Variants in THOP1 observed in about 807,000 individuals in gnomAD.
The protein encoded by THOP1 is thimet oligopeptidase.
In THOP1, 49 loss-of-function variants were observed where a neutral mutation model predicts 71.8. The observed-to-expected ratio is 0.68, with a 90% CI of 0.54 to 0.87. THOP1 has a LOEUF of 0.87. Ranked by LOEUF, THOP1 falls within the 40% of genes least tolerant of loss-of-function variation. The pLI is 0.00. For missense variants in THOP1, 843 were observed against 975.6 expected (o/e 0.86, Z 1.81); for synonymous variants, 426 against 421.5 (o/e 1.01, Z -0.13).
intron 5 of THOP1, among the ~76,000 whole-genome samples, chr19:2,802,926 C>T (rs1234630039): frequency 5.9e-5 from 9 of 152,252 alleles, no homozygotes; most frequent in East Asian, 1.9e-4. Flanking sequence ...GGAGTCCCTC[C>T]GAACAATCCC....
chr19:2,794,675 G>C, intron 2 of THOP1, 89 bp from the exon 3 acceptor site: 1 of 1,489,074 alleles, frequency 6.7e-7, no homozygotes. Flanking sequence ...GGATTCAGCA[G>C]ACAGGCCTGG....
At chr19:2,812,791 C>T (rs1459715724) in intron 12 of THOP1, among the ~76,000 whole-genome samples, 1 of 152,238 alleles carries the variant, frequency 6.6e-6, no homozygotes. Flanking sequence ...CGAGCGGCTT[C>T]CACATTGTCC....
At position 2,801,688 on chromosome 19, in the gene THOP1, C is replaced by A. The variant is rs1455249227; in HGVS notation, c.589+1897C>A. On this transcript the variant is annotated intron_variant, in intron 5 of 12. Coordinates refer to ENST00000307741, the MANE Select transcript of THOP1 (RefSeq NM_003249.5). This position sits in a 1 kb window ranked among gnomAD's most constrained non-coding sequence, Gnocchi z 5.1. The stretch of plus-strand genomic sequence containing the variant: ...TCACAGCTCTGGAGGCTGAGAAGTC[C>A]CAGGTCGAGGGGCCATATCTGGCCA... Among the ~76,000 whole-genome samples, 2 of 152,138 alleles carry A rather than the reference C, an allele frequency of 1.3e-5. No homozygotes were observed. The highest frequency in any genetic ancestry group is 4.8e-5 in the African/African-American group (2 of 41,414).
intron 2 of THOP1, among the ~76,000 whole-genome samples, chr19:2,794,502 G>A (rs1015049270): frequency 3.9e-5 from 6 of 152,204 alleles, no homozygotes; most frequent in African/African-American, 1.2e-4. Context: ...TGGCTTGGAG[G>A]GCTTTGAGTT....
rs764580714 is a variant in THOP1, at chr19:2,796,099, T to C, written c.397T>C (p.Ser133Pro). ...VWLQEKVQKD[S>P]LRPEAARYLE... ...ATTCCAGGAGAAAGTTCAGAAGGAC[T>C]CACTGAGGCCCGAGGCTGCGCGGTA... Residue 133 changes from serine to proline, a missense_variant, in exon 4 of 13, where the codon TCA becomes CCA. Ser to Pro is a moderately conservative substitution (Grantham distance 74). Coordinates refer to ENST00000307741, the MANE Select transcript of THOP1 (RefSeq NM_003249.5). 17 of 1,613,834 alleles carry C rather than the reference T, an allele frequency of 1.1e-5. No homozygotes were observed. In the South Asian group the frequency reaches 1.6e-4, roughly 16 times the overall value.
chr19:2,794,705 C>A, intron 2 of THOP1, 59 bp from the exon 3 acceptor site: 1 of 1,567,488 alleles, frequency 6.4e-7, no homozygotes, highest in South Asian at 1.1e-5. Context: ...CCGGGCAACA[C>A]CTGCCAGTTG....
intron 10 of THOP1, 64 bp downstream of exon 10, chr19:2,810,554 C>A: frequency 6.6e-7 from 1 of 1,525,216 alleles, no homozygotes; most frequent in Non-Finnish European, 8.8e-7. Context: ...TGGGGCCTGG[C>A]ATGTGCCCCG....
intron 5 of THOP1, among the ~76,000 whole-genome samples, chr19:2,802,835 G>A (rs984624662): frequency 6.6e-6 from 1 of 152,216 alleles, no homozygotes; most frequent in African/African-American, 2.4e-5. Context: ...CTGTCCGTGT[G>A]CATGAGGCTT....
chr19:2,793,134 C>A (rs1465477535), intron 2 of THOP1, among the ~76,000 whole-genome samples: 1 of 152,000 alleles, frequency 6.6e-6, no homozygotes, highest in Non-Finnish European at 1.5e-5. Flanking sequence ...GAGATCACAC[C>A]ATTGCACTCC....
Position 2,811,614 on chromosome 19 carries a change from A to C in THOP1, c.1788A>C (p.Ala596=), listed in dbSNP as rs773657003. 1 of 1,613,106 alleles carries C rather than the reference A, an allele frequency of 6.2e-7. No homozygotes were observed. The highest frequency in any genetic ancestry group is 8.5e-7 in the Non-Finnish European group (1 of 1,179,822). ...CCGCCCCAGGAACCAACATGCCTGC[A>C]ACCTTCGGCCATCTGGCAGGTGGCT... is the stretch of plus-strand genomic sequence containing the variant. ...VPATPGTNMP[A]TFGHLAGGYD... is the part of the protein sequence containing the mutation. The change falls in exon 12 of 13, where the codon GCA becomes GCC. Residue 596 remains alanine (A), a synonymous_variant. Coordinates refer to ENST00000307741, the MANE Select transcript of THOP1 (RefSeq NM_003249.5).
Position 2,799,769 on chromosome 19 carries a change from G to C in THOP1, c.567G>C (p.Leu189=). The C allele has an allele frequency of 1.2e-6, 2 of 1,613,856 alleles. No individual in the cohort carries two copies. Among genetic ancestry groups the C allele is most frequent in the Non-Finnish European group, 1.7e-6 (2 of 1,179,952 alleles). ...ACCTGAACGAGGACACGACCTTCCT[G>C]CCCTTCACGCTCCAGGAGCTAGGTA... ...NKNLNEDTTF[L]PFTLQELGGL... The change falls in exon 5 of 13, where the codon CTG becomes CTC. Residue 189 remains leucine (L), a synonymous_variant. Coordinates refer to ENST00000307741, the MANE Select transcript of THOP1 (RefSeq NM_003249.5).
At position 2,810,666 on chromosome 19, in the gene THOP1, C is replaced by T. The variant is rs766483385; in HGVS notation, c.1669C>T (p.Leu557Phe). The change falls in exon 11 of 13, where the codon CTC becomes TTC. Residue 557 changes from leucine (L) to phenylalanine (F), a missense_variant. By Grantham distance (22) the Leu-to-Phe change is conservative. Coordinates refer to ENST00000307741, the MANE Select transcript of THOP1 (RefSeq NM_003249.5). ...CCTCTTCAACCTGCGCCAGATCGTC[C>T]TCGCCAAGGTGGACCAGGCCCTGCA... ...TGLFNLRQIV[L>F]AKVDQALHTQ... 3 of 1,560,442 alleles carry T rather than the reference C, an allele frequency of 1.9e-6. No homozygotes were observed. The Admixed American group carries it at 5.7e-5, about 30-fold the overall frequency.
intron 5 of THOP1, 90 bp downstream of exon 5, chr19:2,799,881 G>C: frequency 8.4e-7 from 1 of 1,196,404 alleles, no homozygotes. Flanking sequence ...GCTTCCTCCT[G>C]TGGGCTTCTG....
intron 12 of THOP1, 63 bp from the exon 13 acceptor site, chr19:2,813,052 C>T (rs1599535371): frequency 6.5e-7 from 1 of 1,526,954 alleles, no homozygotes; most frequent in Admixed American, 2.0e-5. Flanking sequence ...GTGCAGACTC[C>T]TGGGGTCCTC....
At position 2,810,477 on chromosome 19, in the gene THOP1, G is replaced by T. The variant is rs1916432824; in HGVS notation, c.1629G>T (p.Arg543=). The change falls in exon 10 of 13, where the codon CGG becomes CGT. Residue 543 remains arginine (R), a synonymous_variant. Coordinates refer to ENST00000307741, the MANE Select transcript of THOP1 (RefSeq NM_003249.5). ...RELLEKLIES[R]QANTGLFNLR... ...TCCTGGAGAAGCTCATTGAGTCCCG[G>T]CAGGCCAACACAGGTGCACCCGCCC... 1 of 1,561,278 alleles carries T rather than the reference G, an allele frequency of 6.4e-7. No homozygotes were observed. The highest frequency in any genetic ancestry group is 1.3e-5 in the African/African-American group (1 of 74,276).
At position 2,785,521 on chromosome 19, in the gene THOP1, G is replaced by C; in HGVS notation, c.-142G>C. 1.1e-6 allele frequency: 1 copy of C among 917,258 alleles called. No homozygotes were observed. Among genetic ancestry groups the C allele is most frequent in the Non-Finnish European group, 1.5e-6 (1 of 684,594 alleles). The allele number at this position is 917,258 out of a possible 1,614,324, so 56.8% of individuals were successfully genotyped here. On this transcript the variant is annotated 5_prime_UTR_variant, in exon 1 of 13. Transcript: ENST00000307741. ...CCGCCCCAGCATGCCCCGGGAGCGC[G>C]GGCGGCGGGCCCCTTGGTCCTCAGG...
chr19:2,807,508 G>A lies in THOP1; in HGVS notation c.953G>A (p.Arg318His), dbSNP rs796880434. The A allele has an allele frequency of 1.4e-5, 22 of 1,611,522 alleles. No homozygotes were observed. Among genetic ancestry groups the A allele is most frequent in the African/African-American group, 8.0e-5 (6 of 74,920 alleles). Residue 318 changes from arginine to histidine, a missense_variant, in exon 8 of 13, where the codon CGT becomes CAT. Coordinates refer to ENST00000307741, the MANE Select transcript of THOP1 (RefSeq NM_003249.5). ...CGTGCGGTGATTCTGGAGCTGAAGC[G>A]TGCGGAGTGCGAGCGCCGGGGCCTG... ...QERAVILELK[R>H]AECERRGLPF... is the part of the protein sequence containing the mutation.
chr19:2,798,519 G>A (rs866683645), intron 4 of THOP1, among the ~76,000 whole-genome samples: 2 of 152,232 alleles, frequency 1.3e-5, no homozygotes, highest in Admixed American at 6.5e-5. Flanking sequence ...GCGTCCCCGC[G>A]GCCCTTAGGG....
Position 2,804,745 on chromosome 19 carries a change from G to C in THOP1, c.590-271G>C, listed in dbSNP as rs1916248097. On this transcript the variant is annotated intron_variant, in intron 5 of 12. Transcript: ENST00000307741. The surrounding 1 kb of genome is among the most constrained non-coding windows in gnomAD (Gnocchi z 4.7). ...TCTGGGGCAGGAGATCCTGCTCTGA[G>C]GATGCTGGGGGGTTTCCTGGTGGGG... 1 of 407,946 alleles carries C rather than the reference G, an allele frequency of 2.5e-6. No individual in the cohort carries two copies. The highest frequency in any genetic ancestry group is 4.4e-6 in the Non-Finnish European group (1 of 227,560). 25.3% of individuals were successfully genotyped at this position (407,946 alleles called of 1,614,324 possible).
Sources: gnomAD v4.1 joint callset for allele counts (sites outside exome capture counted in the v4.1 genomes callset) on GRCh38, gnomAD v4.1.1 for gene constraint, Gnocchi (gnomAD v3.1) non-coding constraint, MANE v1.5 for transcripts, NCBI Gene and HGNC (gene_info 2026-07-23, HGNC 2026-07-21) for gene names.